The following SLC25A26 variants were observed in gnomAD, a reference collection of about 807,000 sequenced individuals.
SLC25A26 encodes the protein solute carrier family 25 member 26.
In SLC25A26, 36 loss-of-function variants were observed where a neutral mutation model predicts 37.8. The observed-to-expected ratio is 0.95, with a 90% CI of 0.73 to 1.26. SLC25A26 has a LOEUF of 1.26. Among genes scored for constraint, SLC25A26 ranks in the 50% most tolerant of loss-of-function variants. The probability of loss-of-function intolerance (pLI) is 0.00; values close to 1 mark genes in which losing one functional copy is unlikely to be tolerated. For synonymous variants in SLC25A26, 129 were observed against 122.5 expected (o/e 1.05, Z -0.35); for missense variants, 390 against 331.1 (o/e 1.18, Z -1.38).
At chr3:66,377,428 C>CTG (rs1427364184) in intron 9 of SLC25A26, among the ~76,000 whole-genome samples, 4 of 151,994 alleles carry the variant, frequency 2.6e-5, no homozygotes, top group African/African-American at 9.7e-5. Context: ...CTGGAAGTGC[C>CTG]TTCCAGCCTT....
Position 66,221,044 on chromosome 3 carries a change from A to T in SLC25A26, c.-51A>T. On this transcript the variant is annotated 5_prime_UTR_variant, in exon 1 of 10. Transcript: ENST00000354883. ...GCGGCGCCCAGCGCGCGAGGACGTG[A>T]TCCGCTTCTGCTCCGGCTTGGATTG... The T allele has an allele frequency of 2.6e-6, 4 of 1,533,764 alleles. No individual in the cohort carries two copies. The Middle Eastern group carries it at 5.0e-4, about 192-fold the overall frequency.
intron 6 of SLC25A26, among the ~76,000 whole-genome samples, chr3:66,358,221 A>G (rs375136067): frequency 3.1e-4 from 47 of 152,302 alleles, no homozygotes; most frequent in African/African-American, 1.1e-3. Context: ...ATTTCAAAAT[A>G]TTTCCATAAT....
At position 66,353,501 on chromosome 3, in the gene SLC25A26, G is replaced by A. The variant is rs562428222; in HGVS notation, c.498+7093G>A. 2.2e-3 allele frequency among the ~76,000 whole-genome samples: 340 copies of A among 152,230 alleles called. 1 individual carries two copies. The highest frequency in any genetic ancestry group is 6.8e-3 in the Middle Eastern group (2 of 294). On this transcript the variant is annotated intron_variant, in intron 6 of 9. Transcript: ENST00000354883. ...CTCCAGACTTGATATTCTTAATCACGTTACATGTAATTATGCACACCGCAC... is the reference window on the plus strand; with the variant it reads ...CTCCAGACTTGATATTCTTAATCACATTACATGTAATTATGCACACCGCAC...
At chr3:66,349,835 G>A (rs1280804509) in intron 6 of SLC25A26, among the ~76,000 whole-genome samples, 2 of 152,164 alleles carry the variant, frequency 1.3e-5, no homozygotes, top group Admixed American at 1.3e-4. Context: ...GTGTATGAGA[G>A]TTCTAGTTGC....
intron 5 of SLC25A26, among the ~76,000 whole-genome samples, chr3:66,340,532 A>G (rs892736678): frequency 6.6e-6 from 1 of 151,956 alleles, no homozygotes; most frequent in Non-Finnish European, 1.5e-5. Context: ...TAAAAGCTTT[A>G]TGGATTGAGC....
chr3:66,136,264 G>A (rs974951054), intron 1 of SLC25A26, among the ~76,000 whole-genome samples: 2 of 152,154 alleles, frequency 1.3e-5, no homozygotes, highest in Admixed American at 6.6e-5. Flanking sequence ...TCACTCATTA[G>A]TAATGAGTTA....
intron 1 of SLC25A26, among the ~76,000 whole-genome samples, chr3:66,170,878 A>G (rs910582372): frequency 1.1e-4 from 14 of 123,432 alleles, no homozygotes; most frequent in Admixed American, 5.8e-4. Context: ...ATCTCGGCTC[A>G]CTGCAAGCTC....
intron 5 of SLC25A26, among the ~76,000 whole-genome samples, chr3:66,279,590 G>A (rs2074269959): frequency 6.6e-6 from 1 of 152,132 alleles, no homozygotes; most frequent in African/African-American, 2.4e-5. Context: ...ATTAAAGACA[G>A]CCGATGATAA....
intron 5 of SLC25A26, among the ~76,000 whole-genome samples, chr3:66,282,914 G>A (rs1213648743): frequency 6.6e-6 from 1 of 152,148 alleles, no homozygotes; most frequent in Non-Finnish European, 1.5e-5. Flanking sequence ...TTTTCTGTTT[G>A]AGAATGTCAT....
At chr3:66,220,753 G>A (rs1576648439), upstream of SLC25A26, 2 of 403,884 alleles carry the variant, frequency 5.0e-6, no homozygotes, top group South Asian at 2.7e-5. Flanking sequence ...TCAGAATCAC[G>A]CCGGCCTCAT....
At chr3:66,343,918 A>G (rs1275493737) in intron 5 of SLC25A26, among the ~76,000 whole-genome samples, 1 of 152,210 alleles carries the variant, frequency 6.6e-6, no homozygotes, top group Non-Finnish European at 1.5e-5. Context: ...AGATGCTTTT[A>G]TGTTTTTGTG....
At chr3:66,137,654 AT>A (rs2069967316) in intron 1 of SLC25A26, among the ~76,000 whole-genome samples, 2 of 152,152 alleles carry the variant, frequency 1.3e-5, no homozygotes, top group South Asian at 4.1e-4. Flanking sequence ...TCATAGAGTC[AT>A]TGTGAGAAGG....
At chr3:66,322,645 T>C (rs902972516) in intron 5 of SLC25A26, among the ~76,000 whole-genome samples, 3 of 152,208 alleles carry the variant, frequency 2.0e-5, no homozygotes, top group Non-Finnish European at 4.4e-5. Context: ...CAACATGTGG[T>C]TTTAATAACA....
At chr3:66,226,630 A>C (rs1282030723) in intron 1 of SLC25A26, among the ~76,000 whole-genome samples, 1 of 151,934 alleles carries the variant, frequency 6.6e-6, no homozygotes, top group African/African-American at 2.4e-5. Context: ...TTTAATTAAA[A>C]ATTTTCTTGT....
At chr3:66,210,042 A>G (rs1447405826) in intron 1 of SLC25A26, among the ~76,000 whole-genome samples, 1 of 146,492 alleles carries the variant, frequency 6.8e-6, no homozygotes, top group East Asian at 2.0e-4. Flanking sequence ...TGCCTATTGG[A>G]CCTTCCTGAT....
chr3:66,198,710 C>T (rs984580406), intron 1 of SLC25A26, among the ~76,000 whole-genome samples: 62 of 152,022 alleles, frequency 4.1e-4, no homozygotes, highest in African/African-American at 1.4e-3. Context: ...CCCGCATCTT[C>T]ACCTTAACCT....
chr3:66,339,456 T>C (rs555918224), intron 5 of SLC25A26, among the ~76,000 whole-genome samples: 1 of 152,138 alleles, frequency 6.6e-6, no homozygotes, highest in African/African-American at 2.4e-5. Context: ...GCCATACTGT[T>C]TTCAAGTGAC....
intron 5 of SLC25A26, among the ~76,000 whole-genome samples, chr3:66,313,691 A>G (rs1174274165): frequency 6.6e-6 from 1 of 152,192 alleles, no homozygotes; most frequent in Non-Finnish European, 1.5e-5. Flanking sequence ...ATAGCATTGA[A>G]TCTATAAATT....
chr3:66,307,350 T>A (rs1220870253), intron 5 of SLC25A26, among the ~76,000 whole-genome samples: 1 of 152,122 alleles, frequency 6.6e-6, no homozygotes, highest in African/African-American at 2.4e-5. Flanking sequence ...TCTGATGGGG[T>A]CGTTTGTTTT....
Sources: allele counts gnomAD v4.1 joint callset (sites outside exome capture counted in the v4.1 genomes callset), GRCh38; gene constraint gnomAD v4.1.1; transcripts MANE v1.5; gene names NCBI Gene and HGNC (gene_info 2026-07-23, HGNC 2026-07-21).